CALN1: variants seen among roughly 807,000 people sequenced by gnomAD.
The protein encoded by CALN1 is calneuron 1, also known as calcium-binding protein 8.
CALN1 carries 17 observed loss-of-function variants against 30.6 expected under a neutral mutation model. The ratio of observed to expected loss-of-function variants is 0.56; its 90% confidence interval spans 0.38 to 0.83. The LOEUF (loss-of-function observed/expected upper bound fraction) is 0.83. Ranked by LOEUF, CALN1 falls within the 40% of genes least tolerant of loss-of-function variation. CALN1 has a pLI of 0.00. For missense variants in CALN1, 291 were observed against 354.9 expected (o/e 0.82, Z 1.45); for synonymous variants, 156 against 131.4 (o/e 1.19, Z -1.28).
intron 3 of CALN1, among the ~76,000 whole-genome samples, chr7:72,204,948 T>A (rs1791716378): frequency 6.6e-6 from 1 of 152,178 alleles, no homozygotes; most frequent in Admixed American, 6.6e-5. Flanking sequence ...AATTCTACAA[T>A]TTTATAATCC....
At chr7:72,352,299 G>A (rs1194921876) in intron 2 of CALN1, among the ~76,000 whole-genome samples, 1 of 148,614 alleles carries the variant, frequency 6.7e-6, no homozygotes, top group Non-Finnish European at 1.5e-5. Context: ...TGAGGCAGGA[G>A]AATCGCTTGA....
chr7:72,386,366 G>C (rs551826255), intron 2 of CALN1, among the ~76,000 whole-genome samples: 1 of 152,176 alleles, frequency 6.6e-6, no homozygotes, highest in Admixed American at 6.5e-5. Context: ...GCTGACTTAA[G>C]TAACTTTGGA....
intron 4 of CALN1, among the ~76,000 whole-genome samples, chr7:72,060,623 A>G (rs1212690909): frequency 6.6e-6 from 1 of 152,152 alleles, no homozygotes; most frequent in Middle Eastern, 3.2e-3. Context: ...TTGGAATGTG[A>G]GCCCCAATGT....
chr7:72,462,042 C>T, the CALN1 span, among the ~76,000 whole-genome samples: 1 of 151,724 alleles, frequency 6.6e-6, no homozygotes, highest in African/African-American at 2.4e-5. Context: ...AAGGACATCA[C>T]TTTGCGCTTT....
intron 3 of CALN1, among the ~76,000 whole-genome samples, chr7:72,106,514 G>C (rs1456057282): frequency 6.7e-6 from 1 of 149,256 alleles, no homozygotes; most frequent in East Asian, 2.0e-4. Context: ...GAGAGGAGGA[G>C]AAGGGAAAAT....
At chr7:72,403,659 A>T (rs755291231) in intron 1 of CALN1, among the ~76,000 whole-genome samples, 2 of 152,246 alleles carry the variant, frequency 1.3e-5, no homozygotes, top group African/African-American at 4.8e-5. Flanking sequence ...CAACAAGCCA[A>T]TAATGGGCTT....
the CALN1 span, among the ~76,000 whole-genome samples, chr7:72,465,862 C>T: frequency 6.6e-6 from 1 of 152,204 alleles, no homozygotes; most frequent in Non-Finnish European, 1.5e-5. Context: ...GCCTTCCAGG[C>T]TCCAGGTCTC....
At chr7:72,378,079 C>A (rs891934185) in intron 2 of CALN1, among the ~76,000 whole-genome samples, 1 of 151,856 alleles carries the variant, frequency 6.6e-6, no homozygotes, top group African/African-American at 2.4e-5. Flanking sequence ...ACAGCAGGAA[C>A]TAAGTCATTT....
In CALN1 at chr7:72,406,075, C is replaced by T. The variant is rs528681133; in HGVS notation, c.-73-2633G>A. Among the ~76,000 whole-genome samples the T allele has an allele frequency of 4.6e-5, 7 of 152,306 alleles. No homozygotes were observed. In the East Asian group the frequency reaches 9.7e-4, roughly 21 times the overall value. On this transcript the variant is annotated intron_variant, in intron 1 of 6. Coordinates refer to ENST00000395275, the MANE Select transcript of CALN1 (RefSeq NM_031468.4). ...CCTGCTGCTCAGCTGGCTCTGGTGC[C>T]CTCACTGCGGCACTCGCGATGTGCC...
At chr7:72,438,372 T>C (rs1381436146) in intron 1 of CALN1, among the ~76,000 whole-genome samples, 2 of 152,166 alleles carry the variant, frequency 1.3e-5, no homozygotes, top group Admixed American at 1.3e-4. Context: ...TCCTCCCACC[T>C]CAGCCTCCCA....
chr7:72,163,151 G>C (rs1788241428), intron 3 of CALN1, among the ~76,000 whole-genome samples: 2 of 152,156 alleles, frequency 1.3e-5, no homozygotes, highest in African/African-American at 4.8e-5. Context: ...ATTGAAACTA[G>C]AAGGGCTAGT....
chr7:72,180,083 T>C (rs1789652828), intron 3 of CALN1, among the ~76,000 whole-genome samples: 1 of 152,180 alleles, frequency 6.6e-6, no homozygotes, highest in Non-Finnish European at 1.5e-5. Flanking sequence ...TTTCAAGTCA[T>C]TGACTTGTCG....
At chr7:72,353,187 A>C (rs546348417) in intron 2 of CALN1, among the ~76,000 whole-genome samples, 2 of 152,326 alleles carry the variant, frequency 1.3e-5, no homozygotes, top group East Asian at 3.9e-4. Context: ...CGCTAATACC[A>C]ATCTCATAAA....
At chr7:72,021,636 C>T (rs1800714510) in intron 5 of CALN1, among the ~76,000 whole-genome samples, 1 of 152,140 alleles carries the variant, frequency 6.6e-6, no homozygotes, top group Non-Finnish European at 1.5e-5. Context: ...GGGGGATTCA[C>T]GAGCCCCTGT....
At chr7:72,226,135 C>T (rs1793659704) in intron 3 of CALN1, among the ~76,000 whole-genome samples, 1 of 150,558 alleles carries the variant, frequency 6.6e-6, no homozygotes. Flanking sequence ...GTGGTGCACG[C>T]TAAGAAGGCT....
intron 2 of CALN1, among the ~76,000 whole-genome samples, chr7:72,340,058 C>G (rs1369686387): frequency 6.6e-6 from 1 of 152,178 alleles, no homozygotes; most frequent in Non-Finnish European, 1.5e-5. Flanking sequence ...AGCACATAGA[C>G]CTTGGATGAG....
intron 5 of CALN1, among the ~76,000 whole-genome samples, chr7:71,893,166 G>A (rs1158339493): frequency 6.6e-6 from 1 of 152,088 alleles, no homozygotes; most frequent in Non-Finnish European, 1.5e-5. Flanking sequence ...GCACCCTCAG[G>A]GGACATTTAG....
chr7:72,426,900 T>A (rs1307380430), intron 1 of CALN1, among the ~76,000 whole-genome samples: 1 of 152,218 alleles, frequency 6.6e-6, no homozygotes, highest in Non-Finnish European at 1.5e-5. Flanking sequence ...GTCTGAGTGG[T>A]GGCATTCTTA....
chr7:72,420,745 G>A (rs544948802), intron 1 of CALN1, among the ~76,000 whole-genome samples: 18 of 150,480 alleles, frequency 1.2e-4, no homozygotes, highest in Middle Eastern at 3.2e-3. Flanking sequence ...TCCCTCAGTC[G>A]AGTAGCTGGG....
Sources: allele counts gnomAD v4.1 joint callset (sites outside exome capture counted in the v4.1 genomes callset), GRCh38; gene constraint gnomAD v4.1.1; transcripts MANE v1.5; gene names NCBI Gene and HGNC (gene_info 2026-07-23, HGNC 2026-07-21).